KCNIP4: variants seen among roughly 807,000 people sequenced by gnomAD.
KCNIP4 encodes the protein Kv channel-interacting protein 4.
KCNIP4 carries 12 observed loss-of-function variants against 34.0 expected under a neutral mutation model. The ratio of observed to expected loss-of-function variants is 0.35; its 90% confidence interval spans 0.23 to 0.57. The LOEUF is 0.57. KCNIP4 is among the 20% of genes least tolerant of loss of function. KCNIP4 has a pLI of 0.83. For synonymous variants in KCNIP4, 124 were observed against 102.2 expected, an observed-to-expected ratio of 1.21 and a Z score of -1.29; for missense variants, 238 against 311.7, an observed-to-expected ratio of 0.76 and a Z score of 1.78.
intron 1 of KCNIP4, among the ~76,000 whole-genome samples, chr4:21,123,349 C>T (rs542029210): frequency 1.3e-5 from 2 of 152,086 alleles, no homozygotes; most frequent in African/African-American, 4.8e-5. Flanking sequence ...AAAACAGAAA[C>T]ATCCCTGTCC....
At chr4:21,233,307 G>A (rs771435802) in intron 1 of KCNIP4, among the ~76,000 whole-genome samples, 20 of 152,176 alleles carry the variant, frequency 1.3e-4, no homozygotes, top group Middle Eastern at 3.4e-3. Context: ...ATGTCCAAGG[G>A]GGGAGGCCCA....
intron 1 of KCNIP4, among the ~76,000 whole-genome samples, chr4:21,484,006 T>A (rs1414950792): frequency 1.8e-5 from 1 of 55,528 alleles, no homozygotes; most frequent in African/African-American, 1.0e-4. Context: ...CAATTAAACC[T>A]TTTTTTTTTT....
At chr4:20,758,161 A>G (rs537086561) in intron 4 of KCNIP4, among the ~76,000 whole-genome samples, 1 of 152,292 alleles carries the variant, frequency 6.6e-6, no homozygotes, top group Non-Finnish European at 1.5e-5. Flanking sequence ...AAGAAAAACT[A>G]TAAGGTCCAA....
chr4:20,944,253 T>A (rs1467715533), intron 1 of KCNIP4, among the ~76,000 whole-genome samples: 4 of 152,208 alleles, frequency 2.6e-5, no homozygotes, highest in Non-Finnish European at 4.4e-5. Flanking sequence ...CCATGAGTGA[T>A]CTGGAGGAGC....
At chr4:20,767,478 A>G (rs1755516742) in intron 3 of KCNIP4, 3 of 152,198 alleles carry the variant, frequency 2.0e-5, no homozygotes, top group South Asian at 4.1e-4. Flanking sequence ...AGAAAGATCC[A>G]TGTATGCATA....
intron 1 of KCNIP4, among the ~76,000 whole-genome samples, chr4:20,925,115 G>C (rs755752185): frequency 6.6e-6 from 1 of 152,174 alleles, no homozygotes; most frequent in African/African-American, 2.4e-5. Context: ...TGTTGCATAA[G>C]AGAGAGGCTA....
At chr4:21,798,229 A>G (rs978497058) in intron 1 of KCNIP4, among the ~76,000 whole-genome samples, 3 of 151,710 alleles carry the variant, frequency 2.0e-5, no homozygotes, top group Non-Finnish European at 4.4e-5. Flanking sequence ...ATGTATTTGG[A>G]TATGTGTATA....
intron 1 of KCNIP4, among the ~76,000 whole-genome samples, chr4:21,887,775 T>G (rs1726864288): frequency 6.6e-6 from 1 of 152,120 alleles, no homozygotes; most frequent in Non-Finnish European, 1.5e-5. Flanking sequence ...TTAAAAGAGG[T>G]TGTAACCATC....
At chr4:21,011,034 C>G (rs1739019198) in intron 1 of KCNIP4, among the ~76,000 whole-genome samples, 1 of 152,070 alleles carries the variant, frequency 6.6e-6, no homozygotes, top group Admixed American at 6.6e-5. Context: ...CCGATGAAAT[C>G]AGTAGCAACA....
At chr4:21,853,792 C>A (rs73800608) in intron 1 of KCNIP4, among the ~76,000 whole-genome samples, 202 of 152,276 alleles carry the variant, frequency 1.3e-3, no homozygotes, top group African/African-American at 4.8e-3. Flanking sequence ...AGATAACAAA[C>A]CTTCAAGGTA....
chr4:20,917,833 C>T (rs1577364117), intron 1 of KCNIP4, among the ~76,000 whole-genome samples: 3 of 152,084 alleles, frequency 2.0e-5, no homozygotes, highest in Non-Finnish European at 2.9e-5. Flanking sequence ...AGTCAGCTAG[C>T]GAACACATTT....
At chr4:21,776,528 C>T (rs1719192416) in intron 1 of KCNIP4, among the ~76,000 whole-genome samples, 1 of 152,174 alleles carries the variant, frequency 6.6e-6, no homozygotes, top group South Asian at 2.1e-4. Context: ...CACAGAAAAT[C>T]ATCTAATTTA....
intron 1 of KCNIP4, among the ~76,000 whole-genome samples, chr4:21,043,897 G>C (rs1005924271): frequency 2.6e-5 from 4 of 152,176 alleles, no homozygotes; most frequent in Admixed American, 2.6e-4. Flanking sequence ...TGAAGCTACT[G>C]TATGTCACCA....
chr4:21,251,300 T>G lies in KCNIP4; in HGVS notation c.62-368591A>C, dbSNP rs137910323. Among the ~76,000 whole-genome samples the G allele has an allele frequency of 4.8e-3, 724 of 152,302 alleles. 13 individuals are homozygous for G. The highest frequency in any genetic ancestry group is 0.016 in the African/African-American group (684 of 41,564). ...GGAGAGGAGATCTTTATTTTCATCT[T>G]AATTCCTTCTCTGTGAGCTAAATGC... On this transcript the variant is annotated intron_variant, in intron 1 of 8. Coordinates refer to ENST00000382152, the MANE Select transcript of KCNIP4 (RefSeq NM_025221.6).
chr4:20,886,860 C>A (rs1725369609), intron 1 of KCNIP4, among the ~76,000 whole-genome samples: 1 of 152,094 alleles, frequency 6.6e-6, no homozygotes, highest in South Asian at 2.1e-4. Context: ...GACCCAAACT[C>A]CTTACAATGT....
At chr4:20,950,445 C>G (rs1232783203) in intron 1 of KCNIP4, among the ~76,000 whole-genome samples, 5 of 152,150 alleles carry the variant, frequency 3.3e-5, no homozygotes, top group East Asian at 1.9e-4. Flanking sequence ...AATGAATAAG[C>G]CTGAGTTGCT....
At chr4:20,968,762 C>A (rs939241406) in intron 1 of KCNIP4, among the ~76,000 whole-genome samples, 1 of 106,314 alleles carries the variant, frequency 9.4e-6, no homozygotes, top group African/African-American at 3.7e-5. Flanking sequence ...GAACATCACA[C>A]GCTGGGGCCT....
At chr4:21,735,382 C>T (rs1406863253) in intron 1 of KCNIP4, among the ~76,000 whole-genome samples, 1 of 152,128 alleles carries the variant, frequency 6.6e-6, no homozygotes, top group African/African-American at 2.4e-5. Context: ...ATTACAAATA[C>T]TTAAAACTTC....
chr4:21,475,241 T>C (rs1459890534), intron 1 of KCNIP4, among the ~76,000 whole-genome samples: 1 of 152,190 alleles, frequency 6.6e-6, no homozygotes, highest in Non-Finnish European at 1.5e-5. Context: ...TTTACCATTT[T>C]CTAAGTGTTT....
Sources: allele counts gnomAD v4.1 joint callset (sites outside exome capture counted in the v4.1 genomes callset), GRCh38; gene constraint gnomAD v4.1.1; transcripts MANE v1.5; gene names NCBI Gene and HGNC (gene_info 2026-07-23, HGNC 2026-07-21).